The following ARHGAP6 variants were observed in gnomAD, a reference collection of about 807,000 sequenced individuals.
ARHGAP6 encodes rho GTPase-activating protein 6.
ARHGAP6 carries 16 observed loss-of-function variants against 55.7 expected under a neutral mutation model. That is an observed-to-expected ratio of 0.29 (90% CI 0.19 to 0.44). The LOEUF (loss-of-function observed/expected upper bound fraction) is 0.44, where lower values mean the gene tolerates loss of function less well. ARHGAP6 is among the 20% of genes least tolerant of loss of function. The probability of loss-of-function intolerance (pLI) is 1.00; values close to 1 mark genes in which losing one functional copy is unlikely to be tolerated. For synonymous variants in ARHGAP6, 382 were observed against 360.9 expected (o/e 1.06, Z -0.66); for missense variants, 698 against 808.9 (o/e 0.86, Z 1.66).
intron 1 of ARHGAP6, among the ~76,000 whole-genome samples, chrX:11,365,157 T>C (rs2049059744): frequency 8.9e-6 from 1 of 112,195 alleles, no homozygotes; most frequent in East Asian, 2.8e-4. Context: ...CTCAATGTGA[T>C]GTCTGAAACT....
intron 1 of ARHGAP6, among the ~76,000 whole-genome samples, chrX:11,623,691 G>T (rs111348665): frequency 0.17 from 13,914 of 83,747 alleles, 976 homozygotes; most frequent in Middle Eastern, 0.28. Flanking sequence ...AGTGAGACTC[G>T]GTCTCAAAAA....
At chrX:11,172,483 A>C (rs1405738180) in intron 8 of ARHGAP6, among the ~76,000 whole-genome samples, 1 of 108,898 alleles carries the variant, frequency 9.2e-6, no homozygotes, top group African/African-American at 3.3e-5. Context: ...ACCCCTGTAA[A>C]GTCATATTAG....
intron 1 of ARHGAP6, among the ~76,000 whole-genome samples, chrX:11,621,388 T>C (rs186126978): frequency 3.0e-3 from 338 of 111,466 alleles, no homozygotes; most frequent in Non-Finnish European, 5.4e-3. Flanking sequence ...GGAAGATAGA[T>C]GAAATCACAT....
At position 11,573,208 on chromosome X, in the gene ARHGAP6, T is replaced by C. The variant is rs1313848120; in HGVS notation, c.588+91033A>G. ...AGTTTAATTAGATCCCATTTGTCAA[T>C]TTTGGCTTTTGTTGCCATTGCTTTT... On this transcript the variant is annotated intron_variant, in intron 1 of 12. Transcript: ENST00000337414. 1.1e-4 allele frequency among the ~76,000 whole-genome samples: 12 copies of C among 110,186 alleles called. No individual in the cohort carries two copies. The Admixed American group carries it at 1.2e-3, about 11-fold the overall frequency.
At chrX:11,503,984 A>G (rs956107400) in intron 1 of ARHGAP6, among the ~76,000 whole-genome samples, 3 of 111,466 alleles carry the variant, frequency 2.7e-5, no homozygotes, top group Non-Finnish European at 5.6e-5. Flanking sequence ...CCTACAAGAT[A>G]TATTTCTCTT....
chrX:11,342,076 T>C (rs992534273), intron 1 of ARHGAP6, among the ~76,000 whole-genome samples: 4 of 110,150 alleles, frequency 3.6e-5, no homozygotes, highest in Non-Finnish European at 7.6e-5. Context: ...GCTAATTTCC[T>C]CTTTTATCAA....
chrX:11,232,330 G>C, intron 2 of ARHGAP6, among the ~76,000 whole-genome samples: 1 of 111,623 alleles, frequency 9.0e-6, no homozygotes, highest in Admixed American at 9.5e-5. Flanking sequence ...CAAGTAAATG[G>C]TAAAGACAGG....
At chrX:11,611,483 G>A (rs1352115321) in intron 1 of ARHGAP6, among the ~76,000 whole-genome samples, 1 of 111,465 alleles carries the variant, frequency 9.0e-6, no homozygotes, top group African/African-American at 3.3e-5. Flanking sequence ...GAACAAATAG[G>A]ATTATTTCCA....
chrX:11,639,021 A>T (rs984753356), intron 1 of ARHGAP6, among the ~76,000 whole-genome samples: 1 of 111,048 alleles, frequency 9.0e-6, no homozygotes, highest in South Asian at 3.8e-4. Context: ...CCTCATTTGA[A>T]GGGATTTCTG....
chrX:11,345,873 G>A (rs1341747840), intron 1 of ARHGAP6, among the ~76,000 whole-genome samples: 1 of 111,650 alleles, frequency 9.0e-6, no homozygotes, highest in Non-Finnish European at 1.9e-5. Context: ...TTGCAAAAGT[G>A]TGTAACCCCT....
chrX:11,405,824 T>A (rs2049602678), intron 1 of ARHGAP6, among the ~76,000 whole-genome samples: 1 of 112,002 alleles, frequency 8.9e-6, no homozygotes, highest in African/African-American at 3.2e-5. Flanking sequence ...ACCACTTATT[T>A]TTGTGACTTT....
chrX:11,380,091 GAGA>G (rs1454449775), intron 1 of ARHGAP6, among the ~76,000 whole-genome samples: 1 of 111,724 alleles, frequency 9.0e-6, no homozygotes, highest in African/African-American at 3.2e-5. Flanking sequence ...TGCACAAATA[GAGA>G]AGATTACTTA....
chrX:11,495,320 C>T (rs1253244864), intron 1 of ARHGAP6, among the ~76,000 whole-genome samples: 1 of 111,915 alleles, frequency 8.9e-6, no homozygotes. Flanking sequence ...ATGCCATATC[C>T]TTGCCCTTAC....
At chrX:11,194,719 A>G (rs1017450549) in intron 3 of ARHGAP6, among the ~76,000 whole-genome samples, 2 of 111,555 alleles carry the variant, frequency 1.8e-5, no homozygotes, top group Admixed American at 9.5e-5. Flanking sequence ...GAGTAACCTC[A>G]CTCCAAAGGA....
intron 1 of ARHGAP6, chrX:11,296,727 A>ACT (rs2147567323): frequency 2.7e-6 from 3 of 1,124,007 alleles, no homozygotes; most frequent in Non-Finnish European, 3.7e-6. Context: ...CTCTTCCTTC[A>ACT]CTCTCTCCCT....
intron 1 of ARHGAP6, among the ~76,000 whole-genome samples, chrX:11,422,435 G>A (rs752445342): frequency 3.6e-5 from 4 of 111,622 alleles, no homozygotes; most frequent in Non-Finnish European, 1.9e-5. Flanking sequence ...CATGTAAGGA[G>A]CACTTGGAAG....
At chrX:11,354,327 C>CTCTCTCTCTCTATATA (rs1343744315) in intron 1 of ARHGAP6, among the ~76,000 whole-genome samples, 14 of 32,348 alleles carry the variant, frequency 4.3e-4, no homozygotes, top group Non-Finnish European at 5.7e-4. Flanking sequence ...CTCTCTCTCT[C>CTCTCTCTCTCTATATA]TATATATATA....
intron 1 of ARHGAP6, among the ~76,000 whole-genome samples, chrX:11,362,546 C>T (rs1019238204): frequency 3.7e-5 from 4 of 109,324 alleles, no homozygotes; most frequent in African/African-American, 1.0e-4. Context: ...AGGAGATATA[C>T]CTAATGCTAA....
At chrX:11,192,013 G>A (rs1030705181) in intron 3 of ARHGAP6, among the ~76,000 whole-genome samples, 1 of 111,719 alleles carries the variant, frequency 9.0e-6, no homozygotes, top group Admixed American at 9.5e-5. Context: ...GTGACAGCAC[G>A]ATGCCCGTAA....
Sources: allele counts gnomAD v4.1 joint callset (sites outside exome capture counted in the v4.1 genomes callset), GRCh38; gene constraint gnomAD v4.1.1; transcripts MANE v1.5; gene names NCBI Gene and HGNC (gene_info 2026-07-23, HGNC 2026-07-21).